USH2A: variants seen among roughly 807,000 people sequenced by gnomAD.
USH2A encodes usherin.
A neutral mutation model predicts 538.9 loss-of-function variants in USH2A; 443 were observed. That is an observed-to-expected ratio of 0.82 (90% CI 0.76 to 0.89). The LOEUF is 0.89. Among genes scored for constraint, USH2A ranks in the 40% least tolerant of loss-of-function variants. USH2A has a pLI of 0.00. For missense variants in USH2A, 6,633 were observed against 6,324.8 expected, an observed-to-expected ratio of 1.05 and a Z score of -1.65; for synonymous variants, 2,413 against 2,273.5, an observed-to-expected ratio of 1.06 and a Z score of -1.75.
intron 15 of USH2A, among the ~76,000 whole-genome samples, chr1:216,214,112 T>G (rs2035299061): frequency 6.6e-6 from 1 of 152,050 alleles, no homozygotes; most frequent in Non-Finnish European, 1.5e-5. Flanking sequence ...TGTAAAATAA[T>G]ACAGCCATGT....
At position 216,186,312 on chromosome 1, in the gene USH2A, G is replaced by A. The variant is rs148143274; in HGVS notation, c.4396+3911C>T. 6.4e-3 allele frequency among the ~76,000 whole-genome samples: 963 copies of A among 151,296 alleles called. 9 individuals are homozygous for A. Among genetic ancestry groups the A allele is most frequent in the African/African-American group, 0.022 (916 of 41,316 alleles). On this transcript the variant is annotated intron_variant, in intron 20 of 71. Coordinates refer to ENST00000307340, the MANE Select transcript of USH2A (RefSeq NM_206933.4). ...ATGTTCCAGCTTCTGCTTCAACCAT[G>A]CTAATTAGGGTAATCCCCAGAGAGT...
chr1:216,319,508 T>C (rs1387220201), intron 9 of USH2A, among the ~76,000 whole-genome samples: 1 of 152,150 alleles, frequency 6.6e-6, no homozygotes, highest in Non-Finnish European at 1.5e-5. Flanking sequence ...AAGAAAACCA[T>C]AAAAGATTTC....
intron 3 of USH2A, among the ~76,000 whole-genome samples, chr1:216,371,578 C>T (rs1317923927): frequency 6.6e-6 from 1 of 152,134 alleles, no homozygotes; most frequent in East Asian, 1.9e-4. Flanking sequence ...GTACAGTTGG[C>T]TTTGTGGACC....
chr1:216,353,220 G>C (rs941054180), intron 4 of USH2A, among the ~76,000 whole-genome samples: 1 of 152,032 alleles, frequency 6.6e-6, no homozygotes. Flanking sequence ...AAGATCCCGG[G>C]AGGGATGAGG....
chr1:216,384,782 G>T (rs1167802500), intron 3 of USH2A, among the ~76,000 whole-genome samples: 4 of 152,096 alleles, frequency 2.6e-5, no homozygotes, highest in Non-Finnish European at 5.9e-5. Flanking sequence ...GAAAAAAAAT[G>T]AAATAAAAGA....
At chr1:216,378,996 T>G (rs1055145938) in intron 3 of USH2A, among the ~76,000 whole-genome samples, 2 of 152,186 alleles carry the variant, frequency 1.3e-5, no homozygotes, top group Admixed American at 1.3e-4. Flanking sequence ...ATACAACTTA[T>G]TTTTTAGCCA....
At chr1:215,664,393 A>G (rs1657540406) in intron 64 of USH2A, among the ~76,000 whole-genome samples, 1 of 152,226 alleles carries the variant, frequency 6.6e-6, no homozygotes, top group South Asian at 2.1e-4. Flanking sequence ...ATATCCATTT[A>G]TTATCTGAAG....
chr1:215,628,686 A>T, intron 71 of USH2A, 128 bp downstream of exon 71: 2 of 931,574 alleles, frequency 2.1e-6, no homozygotes, highest in Non-Finnish European at 3.5e-6. Flanking sequence ...ACCGGTTGTT[A>T]CTACCTCACT....
chr1:215,765,220 C>A (rs1301818423), intron 56 of USH2A, among the ~76,000 whole-genome samples: 2 of 152,254 alleles, frequency 1.3e-5, no homozygotes, highest in Middle Eastern at 3.4e-3. Context: ...TATCCATTAT[C>A]ATCAAAGTAT....
intron 70 of USH2A, among the ~76,000 whole-genome samples, chr1:215,629,292 A>G (rs1656179535): frequency 6.6e-6 from 1 of 152,122 alleles, no homozygotes; most frequent in Non-Finnish European, 1.5e-5. Flanking sequence ...TGTTTTCGGC[A>G]CCTAGAGAGC....
chr1:216,408,795 C>T (rs2039435828), intron 3 of USH2A, among the ~76,000 whole-genome samples: 1 of 152,104 alleles, frequency 6.6e-6, no homozygotes, highest in Non-Finnish European at 1.5e-5. Context: ...AACAGCTGAT[C>T]TGATTACTAA....
At chr1:215,671,358 A>T (rs1571945743) in intron 63 of USH2A, 65 bp from the exon 64 acceptor site, 1 of 1,514,998 alleles carries the variant, frequency 6.6e-7, no homozygotes, top group Non-Finnish European at 9.1e-7. Context: ...AAGAATCTTT[A>T]AAACACCAGG....
At chr1:215,908,711 A>G (rs1665700559) in intron 38 of USH2A, among the ~76,000 whole-genome samples, 1 of 151,862 alleles carries the variant, frequency 6.6e-6, no homozygotes, top group East Asian at 1.9e-4. Flanking sequence ...TTGGTAGCAT[A>G]ACTTTTCAAA....
chr1:216,099,726 G>C (rs553365098), intron 21 of USH2A, among the ~76,000 whole-genome samples: 1 of 152,072 alleles, frequency 6.6e-6, no homozygotes, highest in East Asian at 1.9e-4. Flanking sequence ...GGGGCAAAAT[G>C]GTCCATTCTT....
intron 20 of USH2A, among the ~76,000 whole-genome samples, chr1:216,183,564 T>C (rs528381610): frequency 2.0e-4 from 30 of 152,150 alleles, no homozygotes; most frequent in African/African-American, 6.5e-4. Flanking sequence ...GTTACAGTGC[T>C]GTTGAATGGC....
intron 37 of USH2A, among the ~76,000 whole-genome samples, chr1:215,960,344 ATTTG>A (rs928002631): frequency 6.6e-5 from 10 of 152,204 alleles, no homozygotes; most frequent in African/African-American, 2.2e-4. Context: ...AAACTTACAC[ATTTG>A]TTTTATTTTT....
chr1:215,977,464 G>C (rs975020367), intron 35 of USH2A, among the ~76,000 whole-genome samples: 5 of 151,898 alleles, frequency 3.3e-5, no homozygotes, highest in Admixed American at 3.3e-4. Context: ...TGCCATGTAA[G>C]TATTTTCAAA....
intron 70 of USH2A, among the ~76,000 whole-genome samples, chr1:215,633,764 C>T (rs1656386996): frequency 6.6e-6 from 1 of 152,164 alleles, no homozygotes. Context: ...TCCAGGTAGA[C>T]ATAGCCCCAC....
intron 4 of USH2A, among the ~76,000 whole-genome samples, chr1:216,332,469 A>C (rs1367412642): frequency 6.6e-6 from 1 of 152,130 alleles, no homozygotes; most frequent in African/African-American, 2.4e-5. Flanking sequence ...CAAGATTATG[A>C]ACATGCAAAA....
Sources: gnomAD v4.1 joint callset for allele counts (sites outside exome capture counted in the v4.1 genomes callset) on GRCh38, gnomAD v4.1.1 for gene constraint, MANE v1.5 for transcripts, NCBI Gene and HGNC (gene_info 2026-07-23, HGNC 2026-07-21) for gene names.